IQSEC1: variants seen among roughly 807,000 people sequenced by gnomAD.
The protein encoded by IQSEC1 is IQ motif and Sec7 domain ArfGEF 1.
Under a neutral mutation model 91.0 loss-of-function variants are expected in IQSEC1, and 31 were observed. The ratio of observed to expected loss-of-function variants is 0.34; its 90% CI spans 0.26 to 0.46. The LOEUF is 0.46. Ranked by LOEUF, IQSEC1 falls within the 20% of genes least tolerant of loss-of-function variation. The pLI, the probability that IQSEC1 is intolerant of heterozygous loss-of-function variation, is 1.00. For missense variants in IQSEC1, 1,388 were observed against 1,575.6 expected (o/e 0.88, Z 2.02); for synonymous variants, 699 against 662.6 (o/e 1.05, Z -0.84).
intron 13 of IQSEC1, among the ~76,000 whole-genome samples, chr3:12,901,896 A>T (rs899846789): frequency 1.3e-5 from 2 of 152,122 alleles, no homozygotes; most frequent in African/African-American, 2.4e-5. Flanking sequence ...TGGCGAGTGC[A>T]GAGGGGCTGA....
chr3:13,203,203 T>G (rs1694277459), intron 1 of IQSEC1, among the ~76,000 whole-genome samples: 1 of 150,688 alleles, frequency 6.6e-6, no homozygotes, highest in South Asian at 2.1e-4. Context: ...ACTCTTATGC[T>G]CACACATGCA....
At chr3:13,065,004 T>C (rs956813630) in intron 1 of IQSEC1, among the ~76,000 whole-genome samples, 1 of 152,184 alleles carries the variant, frequency 6.6e-6, no homozygotes, top group Non-Finnish European at 1.5e-5. Flanking sequence ...TGTGGGGGTG[T>C]TCATCTTGGA....
chr3:12,903,629 G>C (rs1463334076), intron 12 of IQSEC1, among the ~76,000 whole-genome samples: 1 of 152,232 alleles, frequency 6.6e-6, no homozygotes, highest in Non-Finnish European at 1.5e-5. Context: ...TCTTGGCTCT[G>C]GGTGCGTAGG....
In IQSEC1 at chr3:13,073,233, C is replaced by T. The variant is rs1428342785; in HGVS notation, c.-219G>A. Reference sequence around the variant, plus strand: ...GGCTGTGGAGGGCCCTGGCACGTAGCGCGCGCTCACACCGTGCCCAGGAGC... The same window carrying T: ...GGCTGTGGAGGGCCCTGGCACGTAGTGCGCGCTCACACCGTGCCCAGGAGC... On this transcript the variant is annotated 5_prime_UTR_variant, in exon 1 of 14. Coordinates refer to ENST00000613206, the MANE Select transcript of IQSEC1 (RefSeq NM_001134382.3). 6.6e-6 allele frequency: 4 copies of T among 607,080 alleles called. No individual in the cohort carries two copies. In the East Asian group the frequency reaches 8.5e-5, roughly 13 times the overall value. The allele number at this position is 607,080 out of a possible 1,614,324, so 37.6% of individuals were successfully genotyped here.
At chr3:12,919,686 T>C (rs1345622902) in intron 6 of IQSEC1, among the ~76,000 whole-genome samples, 2 of 152,228 alleles carry the variant, frequency 1.3e-5, no homozygotes, top group Non-Finnish European at 2.9e-5. Flanking sequence ...CAGCCCCTGT[T>C]TTCAACCCAC....
intron 1 of IQSEC1, among the ~76,000 whole-genome samples, chr3:13,258,824 C>A (rs1226261273): frequency 3.3e-5 from 5 of 152,216 alleles, no homozygotes; most frequent in Non-Finnish European, 7.3e-5. Context: ...TCGCCCCCCT[C>A]CCCACCCCAC....
Position 12,899,896 on chromosome 3 carries a change from CTT to C in IQSEC1, c.*1085_*1086del. 2.0e-6 allele frequency: 2 copies of C among 985,100 alleles called. No homozygotes were observed. Among genetic ancestry groups the C allele is most frequent in the Non-Finnish European group, 2.4e-6 (2 of 829,858 alleles). 61.0% of individuals were successfully genotyped at this position (985,100 alleles called of 1,614,324 possible). On this transcript the variant is annotated 3_prime_UTR_variant, in exon 14 of 14. Transcript: ENST00000613206. The stretch of plus-strand genomic sequence containing the variant: ...GTCACTTTCATGTTGGAGATGAACA[CTT>C]CTGCCGTGTATGGGTGCCCCTCTCG...
At chr3:13,242,206 T>C (rs1695032248) in intron 1 of IQSEC1, among the ~76,000 whole-genome samples, 2 of 151,822 alleles carry the variant, frequency 1.3e-5, no homozygotes, top group African/African-American at 4.8e-5. Context: ...AGTCAGGAGG[T>C]ACTGGGCTCG....
chr3:12,901,321 G>A lies in IQSEC1; in HGVS notation c.3007C>T (p.His1003Tyr). 2.6e-6 allele frequency: 4 copies of A among 1,541,286 alleles called. No homozygotes were observed. The highest frequency in any genetic ancestry group is 1.2e-5 in the South Asian group (1 of 83,910). ...PPPHPPVVLP[H>Y]LQHSVAGHHL... ...TGGCCAGCCACAGAGTGCTGCAAGTGAGGCAGGACCACCGGTGGGTGGGGG... is the reference window on the plus strand; with the variant it reads ...TGGCCAGCCACAGAGTGCTGCAAGTAAGGCAGGACCACCGGTGGGTGGGGG... Residue 1003 changes from histidine to tyrosine, a missense_variant, in exon 14 of 14, where the codon CAC (histidine) becomes TAC (tyrosine). Transcript: ENST00000613206.
At chr3:12,965,601 T>A (rs1700514120) in intron 1 of IQSEC1, among the ~76,000 whole-genome samples, 1 of 152,222 alleles carries the variant, frequency 6.6e-6, no homozygotes, top group South Asian at 2.1e-4. Context: ...GTTCTGAGAC[T>A]GGGGGAGCAG....
At chr3:13,136,386 T>G (rs115131997) in intron 2 of IQSEC1, among the ~76,000 whole-genome samples, 1 of 152,250 alleles carries the variant, frequency 6.6e-6, no homozygotes, top group African/African-American at 2.4e-5. Flanking sequence ...CCGGGAATGA[T>G]CCCTTAAACG....
intron 1 of IQSEC1, among the ~76,000 whole-genome samples, chr3:13,262,801 G>T (rs1449291627): frequency 6.6e-6 from 1 of 152,240 alleles, no homozygotes; most frequent in Non-Finnish European, 1.5e-5. Flanking sequence ...GAGTGAATAA[G>T]CCACTCACAA....
At chr3:12,928,403 G>A (rs535443580) in intron 3 of IQSEC1, among the ~76,000 whole-genome samples, 1 of 152,228 alleles carries the variant, frequency 6.6e-6, no homozygotes, top group Admixed American at 6.5e-5. Context: ...GGCCGGTGAT[G>A]AAGAGCTCGC....
chr3:13,139,361 G>C (rs1421144373), intron 2 of IQSEC1, among the ~76,000 whole-genome samples: 1 of 152,174 alleles, frequency 6.6e-6, no homozygotes, highest in Non-Finnish European at 1.5e-5. Context: ...GACAGAAAAA[G>C]ACTCATTGTA....
intron 1 of IQSEC1, among the ~76,000 whole-genome samples, chr3:13,023,060 GAC>G (rs770663145): frequency 2.6e-5 from 4 of 152,248 alleles, no homozygotes; most frequent in Non-Finnish European, 5.9e-5. Flanking sequence ...GTTTACATGA[GAC>G]ACAGATAGAG....
intron 1 of IQSEC1, among the ~76,000 whole-genome samples, chr3:13,048,357 C>T (rs1350755549): frequency 1.3e-5 from 2 of 152,184 alleles, no homozygotes; most frequent in Admixed American, 1.3e-4. Flanking sequence ...CCTGTACCTG[C>T]CCACCTGGGG....
chr3:13,192,134 G>T (rs1481466233), intron 1 of IQSEC1, among the ~76,000 whole-genome samples: 1 of 152,078 alleles, frequency 6.6e-6, no homozygotes, highest in Non-Finnish European at 1.5e-5. Context: ...AGGAGATCGA[G>T]ACCATCCTGG....
intron 1 of IQSEC1, among the ~76,000 whole-genome samples, chr3:13,064,024 A>G (rs1705157456): frequency 6.6e-6 from 1 of 151,996 alleles, no homozygotes; most frequent in Non-Finnish European, 1.5e-5. Flanking sequence ...AACAAAAAAC[A>G]ATACAGAGAG....
intron 2 of IQSEC1, among the ~76,000 whole-genome samples, chr3:12,938,632 C>G (rs985416795): frequency 6.6e-6 from 1 of 152,164 alleles, no homozygotes; most frequent in Admixed American, 6.5e-5. Context: ...GCTTAGAAAG[C>G]CCCTGGGGCC....
Sources: allele counts gnomAD v4.1 joint callset (sites outside exome capture counted in the v4.1 genomes callset), GRCh38; gene constraint gnomAD v4.1.1; transcripts MANE v1.5; gene names NCBI Gene and HGNC (gene_info 2026-07-23, HGNC 2026-07-21).